The following PPARGC1A variants were observed in gnomAD, a reference collection of about 807,000 sequenced individuals.
PPARGC1A encodes peroxisome proliferator-activated receptor gamma coactivator 1-alpha.
In PPARGC1A, 25 loss-of-function variants were observed where a neutral mutation model predicts 88.7. That is an observed-to-expected ratio of 0.28 (90% CI 0.21 to 0.39). The LOEUF (loss-of-function observed/expected upper bound fraction) is 0.39. Among genes scored for constraint, PPARGC1A ranks in the 10% least tolerant of loss-of-function variants. The pLI, the probability that PPARGC1A is intolerant of heterozygous loss-of-function variation, is 1.00. For synonymous variants in PPARGC1A, 363 were observed against 355.6 expected, an observed-to-expected ratio of 1.02 and a Z score of -0.24; for missense variants, 880 against 968.7, an observed-to-expected ratio of 0.91 and a Z score of 1.22.
the PPARGC1A span, among the ~76,000 whole-genome samples, chr4:24,404,396 A>G: frequency 6.6e-6 from 1 of 152,080 alleles, no homozygotes; most frequent in Admixed American, 6.6e-5. Context: ...GCAGAATATC[A>G]GCGTACAGTG....
the PPARGC1A span, among the ~76,000 whole-genome samples, chr4:24,230,061 G>A: frequency 6.6e-6 from 1 of 152,028 alleles, no homozygotes; most frequent in African/African-American, 2.4e-5. Flanking sequence ...GCTCCATTGT[G>A]GTTCTAACCC....
the PPARGC1A span, among the ~76,000 whole-genome samples, chr4:24,287,186 A>C: frequency 1.3e-5 from 2 of 148,474 alleles, no homozygotes; most frequent in Admixed American, 6.8e-5. Flanking sequence ...CAGTATTACC[A>C]CCACCAGCCC....
chr4:24,280,532 G>A, the PPARGC1A span, among the ~76,000 whole-genome samples: 1 of 152,076 alleles, frequency 6.6e-6, no homozygotes, highest in Non-Finnish European at 1.5e-5. Context: ...AGAAGGGAAA[G>A]GAAGGCAGAG....
intron 2 of PPARGC1A, among the ~76,000 whole-genome samples, chr4:23,836,410 C>T (rs1254665435): frequency 6.6e-6 from 1 of 152,198 alleles, no homozygotes; most frequent in African/African-American, 2.4e-5. Context: ...GTGACTGTAA[C>T]ACCTTATTCT....
At chr4:24,178,925 T>G in the PPARGC1A span, among the ~76,000 whole-genome samples, 4 of 152,162 alleles carry the variant, frequency 2.6e-5, no homozygotes, top group Non-Finnish European at 5.9e-5. Flanking sequence ...TTGTCCTTTG[T>G]TTTTGTTTCT....
the PPARGC1A span, among the ~76,000 whole-genome samples, chr4:24,466,952 A>AAAAGAAAG: frequency 4.5e-5 from 6 of 133,648 alleles, no homozygotes; most frequent in Non-Finnish European, 6.3e-5. Flanking sequence ...GAAAAAGAAA[A>AAAAGAAAG]AAAGAAAGAA....
At chr4:24,198,833 G>A in the PPARGC1A span, among the ~76,000 whole-genome samples, 1 of 152,146 alleles carries the variant, frequency 6.6e-6, no homozygotes, top group Non-Finnish European at 1.5e-5. Flanking sequence ...GAAGGGCTGG[G>A]GCACCTACAG....
chr4:24,197,980 T>C, the PPARGC1A span, among the ~76,000 whole-genome samples: 2 of 152,220 alleles, frequency 1.3e-5, no homozygotes, highest in Non-Finnish European at 2.9e-5. Flanking sequence ...CTTTGCAGCC[T>C]GAAACATCAT....
chr4:24,033,882 C>A, the PPARGC1A span, among the ~76,000 whole-genome samples: 1 of 152,172 alleles, frequency 6.6e-6, no homozygotes, highest in Non-Finnish European at 1.5e-5. Flanking sequence ...TATTCATTTA[C>A]TGCTACATTT....
the PPARGC1A span, among the ~76,000 whole-genome samples, chr4:24,462,945 T>A: frequency 6.6e-6 from 1 of 151,676 alleles, no homozygotes; most frequent in African/African-American, 2.4e-5. Flanking sequence ...AGGAGCAGAG[T>A]CCCTTCTGCA....
intron 2 of PPARGC1A, among the ~76,000 whole-genome samples, chr4:23,882,448 T>C (rs1716128663): frequency 6.6e-6 from 1 of 152,174 alleles, no homozygotes. Flanking sequence ...TTTTTTGTGG[T>C]GGGAGCTGTC....
the PPARGC1A span, among the ~76,000 whole-genome samples, chr4:24,301,260 T>C: frequency 4.8e-4 from 73 of 152,300 alleles, no homozygotes; most frequent in African/African-American, 1.7e-3. Flanking sequence ...GACCCCATGA[T>C]TTGGAAGGAT....
At chr4:24,178,100 T>A in the PPARGC1A span, among the ~76,000 whole-genome samples, 1 of 152,228 alleles carries the variant, frequency 6.6e-6, no homozygotes, top group South Asian at 2.1e-4. Flanking sequence ...AAGATGGCCT[T>A]TGAGCCTATT....
the PPARGC1A span, among the ~76,000 whole-genome samples, chr4:24,245,925 GCACACACA>G: frequency 3.3e-3 from 491 of 148,462 alleles, 4 homozygotes; most frequent in African/African-American, 0.011. Context: ...AAAGCCATGT[GCACACACA>G]CACACACACA....
At chr4:23,877,471 G>T (rs1213937382) in intron 2 of PPARGC1A, among the ~76,000 whole-genome samples, 4 of 149,086 alleles carry the variant, frequency 2.7e-5, no homozygotes, top group Non-Finnish European at 5.9e-5. Context: ...CCAGGAGGGG[G>T]AGGTTGCAGT....
chr4:24,195,754 T>A, the PPARGC1A span, among the ~76,000 whole-genome samples: 1 of 152,214 alleles, frequency 6.6e-6, no homozygotes, highest in African/African-American at 2.4e-5. Flanking sequence ...ATTCTTTTCA[T>A]TTTTATGCCT....
chr4:24,208,063 G>A, the PPARGC1A span, among the ~76,000 whole-genome samples: 3 of 152,104 alleles, frequency 2.0e-5, no homozygotes, highest in African/African-American at 7.2e-5. Context: ...AGGGTCACTT[G>A]AGACCAGGAG....
At chr4:24,432,138 C>T in the PPARGC1A span, among the ~76,000 whole-genome samples, 1 of 151,906 alleles carries the variant, frequency 6.6e-6, no homozygotes, top group Non-Finnish European at 1.5e-5. Context: ...GTGAATAAGA[C>T]AGAGGAAAGA....
At chr4:23,899,910 A>T (rs532363043), upstream of PPARGC1A, among the ~76,000 whole-genome samples, 1 of 152,170 alleles carries the variant, frequency 6.6e-6, no homozygotes, top group Admixed American at 6.5e-5. Flanking sequence ...TGATACATGT[A>T]CTTTTCAGTA....
Sources: allele counts gnomAD v4.1 joint callset (sites outside exome capture counted in the v4.1 genomes callset), GRCh38; gene constraint gnomAD v4.1.1; transcripts MANE v1.5; gene names NCBI Gene and HGNC (gene_info 2026-07-23, HGNC 2026-07-21).